Variants in PTCD1 observed in about 807,000 individuals in gnomAD.
PTCD1 encodes pentatricopeptide repeat-containing protein 1, mitochondrial.
Under a neutral mutation model 53.4 loss-of-function variants are expected in PTCD1, and 50 were observed. The observed-to-expected ratio is 0.94, with a 90% confidence interval of 0.75 to 1.19. PTCD1 has a LOEUF of 1.19. Among genes scored for constraint, PTCD1 ranks in the 50% most tolerant of loss-of-function variants. The probability of loss-of-function intolerance (pLI) is 0.00; values close to 1 mark genes in which losing one functional copy is unlikely to be tolerated. For missense variants in PTCD1, 918 were observed against 904.8 expected (o/e 1.01, Z -0.19); for synonymous variants, 413 against 394.8 (o/e 1.05, Z -0.55).
At chr7:99,427,717 G>A (rs912836056) in intron 5 of PTCD1, among the ~76,000 whole-genome samples, 2 of 152,038 alleles carry the variant, frequency 1.3e-5, no homozygotes, top group Non-Finnish European at 2.9e-5. Context: ...TGTCTGTGTA[G>A]AAAGAAGTAG....
At position 99,438,660 on chromosome 7, in the gene PTCD1, G is replaced by A. The variant is rs45485593; in HGVS notation, c.-27+32C>T. The A allele has an allele frequency of 4.6e-3, 5,651 of 1,240,640 alleles. 187 individuals carry two copies. In the African/African-American group the frequency reaches 0.075, roughly 17 times the overall value. 76.9% of individuals were successfully genotyped at this position (1,240,640 alleles called of 1,614,324 possible). A position where few individuals can be genotyped will look rare whatever the true frequency, so the allele number is the denominator to read the frequency against. Reference sequence around the variant, plus strand: ...TCTGGCGTGTCTTGGCCCGGGTCCCGGGGCTCCTGCGAGGATCACACAGGA... The same window carrying A: ...TCTGGCGTGTCTTGGCCCGGGTCCCAGGGCTCCTGCGAGGATCACACAGGA... On this transcript the variant is annotated intron_variant, in intron 1 of 7. Transcript: ENST00000292478.
rs113070806 is a variant in PTCD1 at position 99,419,103 on chromosome 7, C to T, written c.*864G>A. On this transcript the variant is annotated 3_prime_UTR_variant, in exon 8 of 8. Transcript: ENST00000292478. ...CTGTCATGCTCACTTAGCAGAATAA[C>T]GAGACTCATTCACACCGATTTCTTT... The T allele has an allele frequency of 2.9e-5, 14 of 482,172 alleles. No homozygotes were observed. The highest frequency in any genetic ancestry group is 1.6e-4 in the African/African-American group (8 of 50,970). The allele number at this position is 482,172 out of a possible 1,614,324, so 29.9% of individuals were successfully genotyped here.
rs779678971 is a variant in PTCD1 at position 99,417,564 on chromosome 7, T to A, written c.*2403A>T. ...GACACCAACTTCGGGACGAACTGCA[T>A]CTGCCGCGTGCCCAAAAGCAAGCTG... On this transcript the variant is annotated 3_prime_UTR_variant, in exon 8 of 8. Transcript: ENST00000292478. The A allele has an allele frequency of 1.2e-5, 19 of 1,612,844 alleles. No homozygotes were observed. Among genetic ancestry groups the A allele is most frequent in the Non-Finnish European group, 1.6e-5 (19 of 1,179,626 alleles).
At position 99,424,943 on chromosome 7, in the gene PTCD1, T is replaced by C. The variant is rs1213882866; in HGVS notation, c.1589A>G (p.Lys530Arg). ...CCCCTCCAGGTCTCCCAGCTTGCTC[T>C]TCTTTCTCACCAGCGTGTTAAAGAA... ...LTFFNTLVRK[K>R]SKLGDLEGAK... The change falls in exon 6 of 8, where the codon AAG becomes AGG. Residue 530 changes from lysine (K) to arginine (R), a missense_variant. Lys to Arg is a conservative substitution (Grantham distance 26, BLOSUM62 2). Transcript: ENST00000292478. 2.5e-6 allele frequency: 4 copies of C among 1,614,252 alleles called. No individual in the cohort carries two copies. The highest frequency in any genetic ancestry group is 3.4e-6 in the Non-Finnish European group (4 of 1,180,044).
In PTCD1 at chr7:99,424,861, T is replaced by C. The variant is rs775743189; in HGVS notation, c.1671A>G (p.Thr557=). The stretch of plus-strand genomic sequence containing the variant: ...GGCACCCGATGGCCAGGTTGCAGAA[T>C]GTCTGCAGGTTGGGGACGAGGCCCC... ...AKRGLVPNLQ[T]FCNLAIGCHR... Residue 557 remains threonine (T), a synonymous_variant, in exon 6 of 8, where the codon ACA becomes ACG. Transcript: ENST00000292478. 2 of 1,614,254 alleles carry C rather than the reference T, an allele frequency of 1.2e-6. No homozygotes were observed. Among genetic ancestry groups the C allele is most frequent in the Admixed American group, 3.3e-5 (2 of 60,034 alleles).
chr7:99,426,793 A>G (rs1416966011), intron 5 of PTCD1, among the ~76,000 whole-genome samples: 2 of 123,814 alleles, frequency 1.6e-5, no homozygotes, highest in East Asian at 5.1e-4. Flanking sequence ...CCGGCCGCCC[A>G]TCGTCTGAGA....
chr7:99,430,649 C>T (rs370470485), intron 3 of PTCD1, among the ~76,000 whole-genome samples: 1 of 152,226 alleles, frequency 6.6e-6, no homozygotes, highest in East Asian at 1.9e-4. Flanking sequence ...TGTATTGCTG[C>T]ACTCCACAGA....
chr7:99,431,181 A>G (rs994679272), intron 3 of PTCD1, among the ~76,000 whole-genome samples: 1 of 150,726 alleles, frequency 6.6e-6, no homozygotes, highest in African/African-American at 2.4e-5. Flanking sequence ...GCTAGAGTGC[A>G]GTGGCGTGAT....
At position 99,419,300 on chromosome 7, in the gene PTCD1, C is replaced by T. The variant is rs180952324; in HGVS notation, c.*667G>A. The stretch of plus-strand genomic sequence containing the variant: ...GGTGTGTCCCTATATGGCATGGTGG[C>T]AGGTCCTTCGTGGGAGGGTTGCCAC... On this transcript the variant is annotated 3_prime_UTR_variant, in exon 8 of 8. Coordinates refer to ENST00000292478, the MANE Select transcript of PTCD1 (RefSeq NM_015545.4). The T allele has an allele frequency of 3.0e-3, 4,371 of 1,470,988 alleles. 16 individuals carry two copies. The highest frequency in any genetic ancestry group is 5.1e-3 in the Middle Eastern group (29 of 5,724). 91.1% of individuals were successfully genotyped at this position (1,470,988 alleles called of 1,614,324 possible). A position where few individuals can be genotyped will look rare whatever the true frequency, so the allele number is the denominator to read the frequency against.
intron 3 of PTCD1, among the ~76,000 whole-genome samples, chr7:99,432,057 C>A (rs1022348634): frequency 6.6e-6 from 1 of 152,312 alleles, no homozygotes; most frequent in East Asian, 1.9e-4. Context: ...TGCGGAAGGC[C>A]GCAGGGACCT....
intron 1 of PTCD1, among the ~76,000 whole-genome samples, 187 bp from the exon 2 acceptor site, chr7:99,435,455 A>G (rs1796424732): frequency 1.3e-5 from 2 of 151,722 alleles, no homozygotes; most frequent in African/African-American, 4.8e-5. Flanking sequence ...CCTGGACAAC[A>G]TGGTGAAACC....
chr7:99,424,980 C>CCT lies in PTCD1; in HGVS notation c.1550_1551dup (p.Ala518ArgfsTer4). 6.2e-7 allele frequency: 1 copy of CCT among 1,614,250 alleles called. No homozygotes were observed. Among genetic ancestry groups the CCT allele is most frequent in the Non-Finnish European group, 8.5e-7 (1 of 1,180,042 alleles). ...AGCGTGTTAAAGAATGTCAGGTCGGCCTCTACCTGGTGCTCATCCAGGAGG... is the reference window on the plus strand; with the variant it reads ...AGCGTGTTAAAGAATGTCAGGTCGGCCTCTCTACCTGGTGCTCATCCAGGAGG... On this transcript the variant is annotated frameshift_variant, in exon 6 of 8. Coordinates refer to ENST00000292478, the MANE Select transcript of PTCD1 (RefSeq NM_015545.4). LOFTEE classifies it high-confidence loss of function.
intron 3 of PTCD1, among the ~76,000 whole-genome samples, chr7:99,431,808 T>C (rs956844070): frequency 1.3e-5 from 2 of 152,138 alleles, no homozygotes; most frequent in African/African-American, 2.4e-5. Context: ...TAGAAAGAAG[T>C]AGACACAAGA....
At chr7:99,431,692 G>T (rs1489613888) in intron 3 of PTCD1, among the ~76,000 whole-genome samples, 1 of 152,118 alleles carries the variant, frequency 6.6e-6, no homozygotes, top group Non-Finnish European at 1.5e-5. Flanking sequence ...AGTGAGCCGA[G>T]GTCGCACCAC....
chr7:99,426,927 A>G (rs1342101431), intron 5 of PTCD1, among the ~76,000 whole-genome samples: 1 of 128,364 alleles, frequency 7.8e-6, no homozygotes, highest in African/African-American at 3.1e-5. Flanking sequence ...AAATGAGGAG[A>G]CCCTCTGCCT....
At position 99,427,807 on chromosome 7, in the gene PTCD1, C is replaced by T. The variant is rs576515953; in HGVS notation, c.915+1296G>A. Among the ~76,000 whole-genome samples the T allele has an allele frequency of 3.2e-3, 492 of 151,760 alleles. 2 individuals carry two copies. Among genetic ancestry groups the T allele is most frequent in the African/African-American group, 9.6e-3 (394 of 41,180 alleles). On this transcript the variant is annotated intron_variant, in intron 5 of 7. Transcript: ENST00000292478. The stretch of plus-strand genomic sequence containing the variant: ...ATCCTGTTGATCTGTGACCTTACCC[C>T]CAACCCTGTGCTCTCTGAAACATGT...
In PTCD1 at chr7:99,425,447, C is replaced by G; in HGVS notation, c.1085G>C (p.Arg362Pro). 6.2e-7 allele frequency: 1 copy of G among 1,613,876 alleles called. No individual in the cohort carries two copies. Among genetic ancestry groups the G allele is most frequent in the Non-Finnish European group, 8.5e-7 (1 of 1,179,994 alleles). The change falls in exon 6 of 8, where the codon CGG becomes CCG. Residue 362 changes from arginine to proline, a missense_variant. Coordinates refer to ENST00000292478, the MANE Select transcript of PTCD1 (RefSeq NM_015545.4). ...CTTGGCCTGGGCTGTCCTCCTTGGCCGCTGCCTGCTCACTGGGGGCTGAAG... is the reference window on the plus strand; with the variant it reads ...CTTGGCCTGGGCTGTCCTCCTTGGCGGCTGCCTGCTCACTGGGGGCTGAAG... ...TVLQPPVSRQRPRRTAQAKAG... is the reference protein window; with the variant it reads ...TVLQPPVSRQPPRRTAQAKAG...
chr7:99,433,155 G>A, intron 3 of PTCD1, 123 bp downstream of exon 3: 1 of 1,471,506 alleles, frequency 6.8e-7, no homozygotes, highest in Non-Finnish European at 9.5e-7. Context: ...ATTTTAAGGA[G>A]ATGACTCTGA....
rs547855633 is a variant in PTCD1, at chr7:99,417,965, C to T, written c.*2002G>A. 3 of 1,195,476 alleles carry T rather than the reference C, an allele frequency of 2.5e-6. No individual in the cohort carries two copies. In the South Asian group the frequency reaches 4.9e-5, roughly 19 times the overall value. The allele number at this position is 1,195,476 out of a possible 1,614,324, so 74.1% of individuals were successfully genotyped here. ...CACAGTGATACTTTAACATTACCATCACTATCTTTCCCGCCCCCCCAAGAC... is the reference window on the plus strand; with the variant it reads ...CACAGTGATACTTTAACATTACCATTACTATCTTTCCCGCCCCCCCAAGAC... On this transcript the variant is annotated 3_prime_UTR_variant, in exon 8 of 8. Coordinates refer to ENST00000292478, the MANE Select transcript of PTCD1 (RefSeq NM_015545.4).
Sources: allele counts gnomAD v4.1 joint callset (sites outside exome capture counted in the v4.1 genomes callset), GRCh38; gene constraint gnomAD v4.1.1; transcripts MANE v1.5; gene names NCBI Gene and HGNC (gene_info 2026-07-23, HGNC 2026-07-21).